The following PTH2R variants were observed in gnomAD, a reference collection of about 807,000 sequenced individuals.
PTH2R encodes the protein parathyroid hormone 2 receptor.
PTH2R carries 59 observed loss-of-function variants against 60.3 expected under a neutral mutation model. The observed-to-expected ratio is 0.98, with a 90% CI of 0.79 to 1.22. The LOEUF (loss-of-function observed/expected upper bound fraction) is 1.22, where lower values mean the gene tolerates loss of function less well. Among genes scored for constraint, PTH2R ranks in the 50% most tolerant of loss-of-function variants. The pLI is 0.00. For synonymous variants in PTH2R, 256 were observed against 243.8 expected (o/e 1.05, Z -0.47); for missense variants, 749 against 682.6 (o/e 1.10, Z -1.08).
chr2:208,484,274 A>G (rs1574914586), intron 10 of PTH2R, among the ~76,000 whole-genome samples: 1 of 152,238 alleles, frequency 6.6e-6, no homozygotes, highest in East Asian at 1.9e-4. Context: ...AAAAGTACAT[A>G]AAATCCCTTA....
intron 8 of PTH2R, among the ~76,000 whole-genome samples, chr2:208,456,897 G>A (rs1209670536): frequency 3.9e-5 from 6 of 152,042 alleles, no homozygotes; most frequent in Non-Finnish European, 8.8e-5. Flanking sequence ...ATATCACAGG[G>A]GAAATTTGAA....
At chr2:208,425,846 T>C (rs1479463947) in intron 1 of PTH2R, among the ~76,000 whole-genome samples, 1 of 152,212 alleles carries the variant, frequency 6.6e-6, no homozygotes, top group African/African-American at 2.4e-5. Flanking sequence ...AAGTTGGGGA[T>C]GTATGAGGGA....
chr2:208,398,661 C>T (rs1181033586), intron 1 of PTH2R, among the ~76,000 whole-genome samples: 1 of 152,080 alleles, frequency 6.6e-6, no homozygotes, highest in Admixed American at 6.6e-5. Flanking sequence ...AGATCAATTC[C>T]CTTAAAACTG....
At chr2:208,457,172 T>C (rs577946235) in intron 8 of PTH2R, among the ~76,000 whole-genome samples, 1 of 152,332 alleles carries the variant, frequency 6.6e-6, no homozygotes, top group East Asian at 1.9e-4. Context: ...AATGTTCAAT[T>C]TACAGTCACA....
intron 1 of PTH2R, among the ~76,000 whole-genome samples, chr2:208,413,141 C>CCACACACACACACA (rs5838121): frequency 2.0e-5 from 3 of 149,868 alleles, no homozygotes; most frequent in African/African-American, 7.3e-5. Flanking sequence ...TAAAAAGTGA[C>CCACACACACACACA]CACACACACA....
chr2:208,363,869 T>G (rs1700528695), intron 1 of PTH2R, among the ~76,000 whole-genome samples: 1 of 152,206 alleles, frequency 6.6e-6, no homozygotes, highest in Non-Finnish European at 1.5e-5. Context: ...GCTTGTTTGT[T>G]TTTTGCTTGT....
In PTH2R at chr2:208,428,792, T is replaced by A. The variant is rs551845017; in HGVS notation, c.178+489T>A. On this transcript the variant is annotated intron_variant, in intron 2 of 12. Transcript: ENST00000272847. ...TCTGCATGATACTGAGTTTTAAAAATGTGTTGGGACAGCCGGGCACGGTGG... is the reference window on the plus strand; with the variant it reads ...TCTGCATGATACTGAGTTTTAAAAAAGTGTTGGGACAGCCGGGCACGGTGG... Among the ~76,000 whole-genome samples the A allele has an allele frequency of 7.2e-5, 11 of 152,304 alleles. No individual in the cohort carries two copies. The East Asian group carries it at 2.1e-3, about 29-fold the overall frequency.
chr2:208,434,757 GA>G (rs1437570327), intron 2 of PTH2R, among the ~76,000 whole-genome samples: 1 of 152,144 alleles, frequency 6.6e-6, no homozygotes, highest in African/African-American at 2.4e-5. Flanking sequence ...ATGAAAAGGT[GA>G]ATTGAAAGAT....
intron 1 of PTH2R, among the ~76,000 whole-genome samples, chr2:208,376,630 T>C (rs1180289144): frequency 6.6e-6 from 1 of 152,018 alleles, no homozygotes; most frequent in East Asian, 1.9e-4. Flanking sequence ...CACAATTAAG[T>C]AATAAGAGTA....
chr2:208,452,920 C>A, intron 8 of PTH2R, among the ~76,000 whole-genome samples: 1 of 152,288 alleles, frequency 6.6e-6, no homozygotes, highest in East Asian at 1.9e-4. Context: ...AAAACACTTA[C>A]AGGCGGATGA....
intron 9 of PTH2R, among the ~76,000 whole-genome samples, chr2:208,474,507 A>C (rs969683752): frequency 6.6e-6 from 1 of 152,224 alleles, no homozygotes; most frequent in Non-Finnish European, 1.5e-5. Context: ...ACTTACCTAA[A>C]TCACTTAATA....
intron 1 of PTH2R, among the ~76,000 whole-genome samples, chr2:208,381,419 T>C (rs1700912695): frequency 6.6e-6 from 1 of 152,092 alleles, no homozygotes; most frequent in African/African-American, 2.4e-5. Flanking sequence ...AACTATTCTT[T>C]ACTTAAATTT....
chr2:208,406,786 A>C, upstream of PTH2R: 1 of 340,002 alleles, frequency 2.9e-6, no homozygotes. Context: ...GCTGCGAGTC[A>C]AGTCCAGGAC....
chr2:208,377,345 A>C (rs4589687), intron 1 of PTH2R, among the ~76,000 whole-genome samples: 73,514 of 151,844 alleles, frequency 0.48, 18,953 homozygotes, highest in Admixed American at 0.57. Context: ...TTCCACAAAA[A>C]CCGCCATCGT....
chr2:208,468,663 C>T (rs1406788793), intron 9 of PTH2R, among the ~76,000 whole-genome samples: 3 of 152,182 alleles, frequency 2.0e-5, no homozygotes, highest in Non-Finnish European at 2.9e-5. Context: ...ATTTGAAATA[C>T]TACTTTTTCT....
intron 9 of PTH2R, among the ~76,000 whole-genome samples, chr2:208,478,061 G>A (rs1376149869): frequency 6.6e-6 from 1 of 151,134 alleles, no homozygotes; most frequent in African/African-American, 2.4e-5. Context: ...TATTTCTTTT[G>A]CCTGGTATAA....
intron 9 of PTH2R, among the ~76,000 whole-genome samples, chr2:208,467,323 C>T (rs987092207): frequency 6.6e-6 from 1 of 151,728 alleles, no homozygotes; most frequent in African/African-American, 2.4e-5. Flanking sequence ...TAATTTAATA[C>T]AAAAATCTTC....
At chr2:208,398,776 G>A (rs558046122) in intron 1 of PTH2R, among the ~76,000 whole-genome samples, 33 of 152,262 alleles carry the variant, frequency 2.2e-4, no homozygotes, top group Admixed American at 1.9e-3. Flanking sequence ...AGAGTTGTCT[G>A]TATCTCTTGT....
chr2:208,377,848 A>G (rs898904352), intron 1 of PTH2R, among the ~76,000 whole-genome samples: 2 of 150,444 alleles, frequency 1.3e-5, no homozygotes, highest in Non-Finnish European at 2.9e-5. Flanking sequence ...CACTTCCTAG[A>G]CGTGATGGTG....
Sources: gnomAD v4.1 joint callset for allele counts (sites outside exome capture counted in the v4.1 genomes callset) on GRCh38, gnomAD v4.1.1 for gene constraint, MANE v1.5 for transcripts, NCBI Gene and HGNC (gene_info 2026-07-23, HGNC 2026-07-21) for gene names.